PDZRN4: variants seen among roughly 807,000 people sequenced by gnomAD.
PDZRN4 encodes PDZ domain-containing RING finger protein 4.
In PDZRN4, 70 loss-of-function variants were observed where a neutral mutation model predicts 99.0. That is an observed-to-expected ratio of 0.71 (90% CI 0.58 to 0.86). The LOEUF (loss-of-function observed/expected upper bound fraction) is 0.86. Ranked by LOEUF, PDZRN4 falls within the 40% of genes least tolerant of loss-of-function variation. PDZRN4 has a pLI of 0.00. For missense variants in PDZRN4, 1,474 were observed against 1,331.2 expected (o/e 1.11, Z -1.67); for synonymous variants, 551 against 501.6 (o/e 1.10, Z -1.32).
At chr12:41,393,868 A>T (rs1808606920) in intron 3 of PDZRN4, among the ~76,000 whole-genome samples, 1 of 152,182 alleles carries the variant, frequency 6.6e-6, no homozygotes, top group African/African-American at 2.4e-5. Context: ...ACTGGAACTG[A>T]TAACCAGAAC....
intron 3 of PDZRN4, among the ~76,000 whole-genome samples, chr12:41,417,645 A>C (rs1952455792): frequency 1.3e-5 from 2 of 152,194 alleles, no homozygotes; most frequent in South Asian, 4.1e-4. Flanking sequence ...AGTAGTGAGA[A>C]AGTATAGAGA....
chr12:41,276,357 AC>A (rs550459920), intron 3 of PDZRN4, among the ~76,000 whole-genome samples: 1 of 151,924 alleles, frequency 6.6e-6, no homozygotes, highest in Non-Finnish European at 1.5e-5. Flanking sequence ...TGTTTTAAGA[AC>A]CCTTTTTAGT....
chr12:41,394,319 G>A (rs11180884), intron 3 of PDZRN4, among the ~76,000 whole-genome samples: 13,957 of 152,094 alleles, frequency 0.092, 837 homozygotes, highest in Middle Eastern at 0.14. Flanking sequence ...CTTATATTCG[G>A]TCTATTGCAG....
At chr12:41,563,443 G>A in intron 7 of PDZRN4, 105 bp from the exon 8 acceptor site, 2 of 805,500 alleles carry the variant, frequency 2.5e-6, no homozygotes, top group South Asian at 1.7e-5. Context: ...CATTGTGTGA[G>A]CTTCATTGTC....
chr12:41,387,464 A>G (rs577349240), intron 3 of PDZRN4, among the ~76,000 whole-genome samples: 2 of 152,262 alleles, frequency 1.3e-5, no homozygotes, highest in African/African-American at 2.4e-5. Flanking sequence ...GTGTGCCTGT[A>G]GTCCCAGCTA....
intron 3 of PDZRN4, among the ~76,000 whole-genome samples, chr12:41,332,640 G>T (rs1291762829): frequency 6.7e-6 from 1 of 149,936 alleles, no homozygotes; most frequent in Non-Finnish European, 1.5e-5. Flanking sequence ...TGGGTCCAAA[G>T]CAGAACTCAT....
chr12:41,340,761 A>G (rs1256352853), intron 3 of PDZRN4, among the ~76,000 whole-genome samples: 1 of 151,852 alleles, frequency 6.6e-6, no homozygotes, highest in Non-Finnish European at 1.5e-5. Flanking sequence ...CCCACGACCC[A>G]TTGGCTTCAC....
intron 3 of PDZRN4, among the ~76,000 whole-genome samples, chr12:41,274,154 A>C (rs1951334416): frequency 6.6e-6 from 1 of 152,088 alleles, no homozygotes; most frequent in South Asian, 2.1e-4. Flanking sequence ...GCCACATGTC[A>C]AAAAGTAGGT....
chr12:41,303,410 C>G (rs1951550258), intron 3 of PDZRN4, among the ~76,000 whole-genome samples: 1 of 152,148 alleles, frequency 6.6e-6, no homozygotes, highest in Non-Finnish European at 1.5e-5. Flanking sequence ...GAAGTTTTCT[C>G]TATCTATGAA....
chr12:41,224,382 T>C (rs1442046266), intron 3 of PDZRN4, among the ~76,000 whole-genome samples: 1 of 152,226 alleles, frequency 6.6e-6, no homozygotes, highest in Non-Finnish European at 1.5e-5. Context: ...ATTCATTACA[T>C]TATTTTTTGT....
chr12:41,330,987 A>G lies in PDZRN4; in HGVS notation c.843+136799A>G, dbSNP rs1048377737. On this transcript the variant is annotated intron_variant, in intron 3 of 9. Transcript: ENST00000402685. ...AATATAGTTATTTTGTTCCATAACAATTGAGACCAAAAAGCTGAGAGAATT... is the reference window on the plus strand; with the variant it reads ...AATATAGTTATTTTGTTCCATAACAGTTGAGACCAAAAAGCTGAGAGAATT... Among the ~76,000 whole-genome samples, 4 of 152,122 alleles carry G rather than the reference A, an allele frequency of 2.6e-5. No individual in the cohort carries two copies. The East Asian group carries it at 7.7e-4, about 29-fold the overall frequency.
intron 3 of PDZRN4, among the ~76,000 whole-genome samples, chr12:41,287,224 T>C (rs1951427709): frequency 6.6e-6 from 1 of 152,216 alleles, no homozygotes; most frequent in Non-Finnish European, 1.5e-5. Context: ...GTTCTAATCA[T>C]GGTTCTGCTA....
intron 3 of PDZRN4, among the ~76,000 whole-genome samples, chr12:41,413,886 T>C (rs1283953122): frequency 2.0e-5 from 3 of 152,142 alleles, no homozygotes; most frequent in Admixed American, 6.5e-5. Flanking sequence ...ATAGTTTCTA[T>C]TGTGTGGTTA....
In PDZRN4 at chr12:41,539,525, G is replaced by A. The variant is rs1394319272; in HGVS notation, c.1204-13131G>A. 2.0e-5 allele frequency among the ~76,000 whole-genome samples: 3 copies of A among 151,992 alleles called. No individual in the cohort carries two copies. The East Asian group carries it at 5.8e-4, about 29-fold the overall frequency. On this transcript the variant is annotated intron_variant, in intron 5 of 9. Coordinates refer to ENST00000402685, the MANE Select transcript of PDZRN4 (RefSeq NM_001164595.2). ...AGCCTTAAGTCTTGTACCTTTTCCT[G>A]TTATGATGACCACAGGAAAAACTCC...
At chr12:41,404,371 G>A (rs1157830218) in intron 3 of PDZRN4, among the ~76,000 whole-genome samples, 1 of 152,002 alleles carries the variant, frequency 6.6e-6, no homozygotes, top group African/African-American at 2.4e-5. Context: ...TAACGTCCAG[G>A]TTGAGAGTCA....
intron 5 of PDZRN4, among the ~76,000 whole-genome samples, chr12:41,512,759 G>A (rs1368791508): frequency 2.6e-5 from 4 of 152,042 alleles, no homozygotes; most frequent in Admixed American, 1.3e-4. Flanking sequence ...CGGTGATAGC[G>A]GGTGGAGTAT....
intron 3 of PDZRN4, chr12:41,409,456 T>C (rs910286936): frequency 1.3e-5 from 2 of 152,106 alleles, no homozygotes; most frequent in Non-Finnish European, 2.9e-5. Flanking sequence ...TGAGGAGAAA[T>C]ATTTCATGTG....
At chr12:41,385,837 C>T (rs948497829) in intron 3 of PDZRN4, among the ~76,000 whole-genome samples, 2 of 152,098 alleles carry the variant, frequency 1.3e-5, no homozygotes, top group Non-Finnish European at 2.9e-5. Flanking sequence ...CATCCTGATA[C>T]CAAAACCTGG....
At chr12:41,262,666 C>A (rs73120954) in intron 3 of PDZRN4, among the ~76,000 whole-genome samples, 8,240 of 152,158 alleles carry the variant, frequency 0.054, 249 homozygotes, top group Non-Finnish European at 0.06. Context: ...GGTTAATAAA[C>A]ACCATTAAGT....
Sources: gnomAD v4.1 joint callset for allele counts (sites outside exome capture counted in the v4.1 genomes callset) on GRCh38, gnomAD v4.1.1 for gene constraint, MANE v1.5 for transcripts, NCBI Gene and HGNC (gene_info 2026-07-23, HGNC 2026-07-21) for gene names.